Variants in GLRA3 observed in about 807,000 individuals in gnomAD.
GLRA3 encodes glycine receptor alpha 3, also known as glycine receptor subunit alpha-3.
Under a neutral mutation model 60.4 loss-of-function variants are expected in GLRA3, and 44 were observed. The ratio of observed to expected loss-of-function variants is 0.73; its 90% CI spans 0.57 to 0.94. The LOEUF (loss-of-function observed/expected upper bound fraction) is 0.94, where lower values mean the gene tolerates loss of function less well. Among genes scored for constraint, GLRA3 ranks in the 40% least tolerant of loss-of-function variants. The pLI, the probability that GLRA3 is intolerant of heterozygous loss-of-function variation, is 0.00. For synonymous variants in GLRA3, 223 were observed against 192.9 expected, an observed-to-expected ratio of 1.16 and a Z score of -1.29; for missense variants, 508 against 564.6, an observed-to-expected ratio of 0.90 and a Z score of 1.02.
At chr4:174,757,255 AT>A (rs1392112404) in intron 3 of GLRA3, among the ~76,000 whole-genome samples, 3 of 138,664 alleles carry the variant, frequency 2.2e-5, no homozygotes, top group Non-Finnish European at 3.1e-5. Flanking sequence ...GGTAAATAAA[AT>A]TTAAAATACA....
intron 1 of GLRA3, among the ~76,000 whole-genome samples, chr4:174,808,309 G>T (rs186013059): frequency 2.6e-5 from 4 of 151,972 alleles, no homozygotes; most frequent in African/African-American, 9.7e-5. Context: ...GATCCCAGAG[G>T]ATTATAATGA....
chr4:174,646,343 A>G (rs1185081683), intron 9 of GLRA3, among the ~76,000 whole-genome samples: 2 of 152,238 alleles, frequency 1.3e-5, no homozygotes, highest in African/African-American at 4.8e-5. Flanking sequence ...TCTCAATTGT[A>G]TCTTTCCATA....
Position 174,786,366 on chromosome 4 carries a change from A to C in GLRA3, c.199+2450T>G, listed in dbSNP as rs115989755. On this transcript the variant is annotated intron_variant, in intron 2 of 9. Coordinates refer to ENST00000274093, the MANE Select transcript of GLRA3 (RefSeq NM_006529.4). ...GGAGAACAGGTTCTTCATTTTCTACATCTATGTTTGATGAGCTTATTTTTG... is the reference window on the plus strand; with the variant it reads ...GGAGAACAGGTTCTTCATTTTCTACCTCTATGTTTGATGAGCTTATTTTTG... Among the ~76,000 whole-genome samples, 692 of 152,138 alleles carry C rather than the reference A, an allele frequency of 4.5e-3. 2 individuals are homozygous for C. Among genetic ancestry groups the C allele is most frequent in the African/African-American group, 0.016 (670 of 41,522 alleles).
At chr4:174,695,413 A>T (rs975636288) in intron 5 of GLRA3, among the ~76,000 whole-genome samples, 2 of 152,078 alleles carry the variant, frequency 1.3e-5, no homozygotes, top group African/African-American at 2.4e-5. Flanking sequence ...CTTCATTCCC[A>T]GGATGCAAGA....
chr4:174,724,007 T>C (rs1440950431), intron 4 of GLRA3, among the ~76,000 whole-genome samples: 1 of 151,598 alleles, frequency 6.6e-6, no homozygotes, highest in African/African-American at 2.4e-5. Context: ...TATAGACATA[T>C]ATATGTATAT....
chr4:174,667,929 T>C (rs115667474), intron 7 of GLRA3, among the ~76,000 whole-genome samples: 1,752 of 152,204 alleles, frequency 0.012, 35 homozygotes, highest in African/African-American at 0.039. Flanking sequence ...TGTTGAATTG[T>C]AATACCTGGT....
chr4:174,807,942 C>G lies in GLRA3; in HGVS notation c.72-18999G>C, dbSNP rs28369010. Among the ~76,000 whole-genome samples, 1,460 of 152,118 alleles carry G rather than the reference C, an allele frequency of 9.6e-3. 21 individuals are homozygous for G. The highest frequency in any genetic ancestry group is 0.033 in the African/African-American group (1,362 of 41,524). ...AGAAATAGACCAAGAATCCTAGGAG[C>G]TGATCCAACTTAGAAAGTAGTGATG... is the stretch of plus-strand genomic sequence containing the variant. On this transcript the variant is annotated intron_variant, in intron 1 of 9. Coordinates refer to ENST00000274093, the MANE Select transcript of GLRA3 (RefSeq NM_006529.4).
chr4:174,816,450 A>T lies in GLRA3; in HGVS notation c.71+12291T>A, dbSNP rs73008394. Among the ~76,000 whole-genome samples the T allele has an allele frequency of 3.5e-3, 540 of 152,316 alleles. 2 individuals carry two copies. The highest frequency in any genetic ancestry group is 0.012 in the African/African-American group (517 of 41,580). On this transcript the variant is annotated intron_variant, in intron 1 of 9. Transcript: ENST00000274093. ...TTTATTAAATGGATATCTCATAGGC[A>T]TCACGTTCACTATACATATCTAGAA...
At chr4:174,644,473 T>G (rs1331960612) in intron 9 of GLRA3, among the ~76,000 whole-genome samples, 1 of 151,926 alleles carries the variant, frequency 6.6e-6, no homozygotes, top group African/African-American at 2.4e-5. Context: ...ACCAGGATCA[T>G]TGACTGAATT....
chr4:174,783,485 A>G (rs1406950380), intron 2 of GLRA3, among the ~76,000 whole-genome samples: 2 of 137,860 alleles, frequency 1.5e-5, no homozygotes, highest in Non-Finnish European at 3.2e-5. Flanking sequence ...TAATTAAACT[A>G]AAGAGCTTCT....
At chr4:174,689,565 C>T (rs1353399032) in intron 5 of GLRA3, among the ~76,000 whole-genome samples, 1 of 151,526 alleles carries the variant, frequency 6.6e-6, no homozygotes, top group East Asian at 1.9e-4. Flanking sequence ...CTCAACCTCC[C>T]CCTCTTCCCA....
intron 3 of GLRA3, among the ~76,000 whole-genome samples, chr4:174,756,075 T>G (rs988822030): frequency 1.3e-5 from 2 of 152,172 alleles, no homozygotes; most frequent in African/African-American, 4.8e-5. Context: ...AAAAACCGAA[T>G]AGTTTTATAT....
At chr4:174,781,291 A>C (rs893374497) in intron 2 of GLRA3, among the ~76,000 whole-genome samples, 5 of 150,482 alleles carry the variant, frequency 3.3e-5, no homozygotes, top group African/African-American at 1.2e-4. Flanking sequence ...AACATACCAG[A>C]ATCTCTGGGA....
intron 3 of GLRA3, among the ~76,000 whole-genome samples, chr4:174,751,933 T>A (rs1482437741): frequency 6.6e-6 from 1 of 151,970 alleles, no homozygotes; most frequent in African/African-American, 2.4e-5. Context: ...GTCTAAAAAG[T>A]GTCTTTAGGG....
chr4:174,748,937 T>G (rs1737351295), intron 3 of GLRA3, among the ~76,000 whole-genome samples: 1 of 152,140 alleles, frequency 6.6e-6, no homozygotes, highest in African/African-American at 2.4e-5. Flanking sequence ...TGTGGGAGAT[T>G]GAGACAAAGC....
intron 3 of GLRA3, among the ~76,000 whole-genome samples, chr4:174,765,142 C>T (rs1353360201): frequency 2.6e-5 from 4 of 151,626 alleles, no homozygotes; most frequent in African/African-American, 9.7e-5. Flanking sequence ...AGTGTGTTTG[C>T]AATATCCTGC....
chr4:174,730,670 G>A (rs571127756), intron 3 of GLRA3, among the ~76,000 whole-genome samples: 10 of 152,112 alleles, frequency 6.6e-5, no homozygotes, highest in African/African-American at 9.6e-5. Flanking sequence ...CATTTCTTCC[G>A]GGAACACTTT....
intron 3 of GLRA3, among the ~76,000 whole-genome samples, chr4:174,730,996 C>G (rs768067063): frequency 6.6e-6 from 1 of 152,090 alleles, no homozygotes; most frequent in Non-Finnish European, 1.5e-5. Context: ...TTTTGACATT[C>G]TCACTCCTAA....
chr4:174,734,242 A>C (rs777544368), intron 3 of GLRA3, among the ~76,000 whole-genome samples: 2 of 152,236 alleles, frequency 1.3e-5, no homozygotes, highest in Non-Finnish European at 2.9e-5. Flanking sequence ...TAGCTGCATA[A>C]GCTTTTACAG....
Sources: allele counts gnomAD v4.1 joint callset (sites outside exome capture counted in the v4.1 genomes callset), GRCh38; gene constraint gnomAD v4.1.1; transcripts MANE v1.5; gene names NCBI Gene and HGNC (gene_info 2026-07-23, HGNC 2026-07-21).